The following ENOX2 variants were observed in gnomAD, a reference collection of about 807,000 sequenced individuals.
ENOX2 encodes APK1 antigen.
In ENOX2, 36 loss-of-function variants were observed where a neutral mutation model predicts 45.0. The observed-to-expected ratio is 0.80, with a 90% confidence interval of 0.61 to 1.06. ENOX2 has a LOEUF of 1.06. Ranked by LOEUF, ENOX2 falls within the 50% of genes least tolerant of loss-of-function variation. ENOX2 has a pLI of 0.00. For synonymous variants in ENOX2, 174 were observed against 152.3 expected (o/e 1.14, Z -1.05); for missense variants, 423 against 462.5 (o/e 0.91, Z 0.78).
chrX:130,709,637 CAAAAA>C (rs60183563), intron 3 of ENOX2, among the ~76,000 whole-genome samples: 1 of 30,141 alleles, frequency 3.3e-5, no homozygotes, highest in Admixed American at 4.1e-4. Flanking sequence ...GACTCTGTCT[CAAAAA>C]AAAAAAAAAA....
chrX:130,811,265 T>C (rs1368617309), intron 2 of ENOX2, among the ~76,000 whole-genome samples: 2 of 111,817 alleles, frequency 1.8e-5, no homozygotes, highest in East Asian at 5.6e-4. Flanking sequence ...CAGACTCAGG[T>C]GCAAGGCCCA....
At position 130,631,452 on chromosome X, in the gene ENOX2, G is replaced by T. The variant is rs749729002; in HGVS notation, c.1528+16C>A. The T allele has an allele frequency of 2.3e-5, 22 of 965,407 alleles. No individual in the cohort carries two copies. The highest frequency in any genetic ancestry group is 5.3e-4 in the Middle Eastern group (2 of 3,786). The allele number at this position is 965,407 out of a possible 1,213,427, so 79.6% of individuals were successfully genotyped here. A position where few individuals can be genotyped will look rare whatever the true frequency, so the allele number is the denominator to read the frequency against. ...CCCAGGCATTGTACGTGGCATGTGT[G>T]CATTAGCTTCCTTACCCACTAGCAG... On this transcript the variant is annotated intron_variant, in intron 13 of 14. Transcript: ENST00000394363.
intron 2 of ENOX2, among the ~76,000 whole-genome samples, chrX:130,789,934 C>T (rs2077018101): frequency 8.9e-6 from 1 of 112,452 alleles, no homozygotes; most frequent in Non-Finnish European, 1.9e-5. Flanking sequence ...AACCATTCCA[C>T]CTGCTACTTC....
intron 10 of ENOX2, among the ~76,000 whole-genome samples, chrX:130,653,213 T>C (rs757337060): frequency 8.9e-6 from 1 of 112,099 alleles, no homozygotes; most frequent in South Asian, 3.7e-4. Flanking sequence ...TTGTCTCAGT[T>C]CCTCTTGCCT....
chrX:130,645,791 T>A, intron 10 of ENOX2: 1 of 814,529 alleles, frequency 1.2e-6, no homozygotes, highest in Non-Finnish European at 1.8e-6. Flanking sequence ...TCCTGGTCTT[T>A]GGGCTGTCGC....
intron 8 of ENOX2, 86 bp from the exon 9 acceptor site, chrX:130,665,835 G>A (rs774771749): frequency 1.4e-4 from 80 of 572,815 alleles, no homozygotes; most frequent in Non-Finnish European, 1.6e-4. Flanking sequence ...AAATAAAAGA[G>A]AAGCATCAGG....
At position 130,878,465 on chromosome X, in the gene ENOX2, T is replaced by C. The variant is rs771824138; in HGVS notation, c.-183+23219A>G. 5.4e-5 allele frequency among the ~76,000 whole-genome samples: 6 copies of C among 111,618 alleles called. No homozygotes were observed. In the South Asian group the frequency reaches 2.3e-3, roughly 43 times the overall value. ...CTCATCCCTCCAGTGGTCATATTTC[T>C]GCCTGTGCTTATTCCTTTTTCCGTG... On this transcript the variant is annotated intron_variant, in intron 2 of 14. Coordinates refer to ENST00000394363, the MANE Select transcript of ENOX2 (RefSeq NM_006375.4).
chrX:130,891,429 G>A (rs1379685739), intron 2 of ENOX2, among the ~76,000 whole-genome samples: 1 of 98,933 alleles, frequency 1.0e-5, no homozygotes, highest in Admixed American at 1.2e-4. Context: ...CCTATTACAT[G>A]TCAGACATGG....
At chrX:130,688,583 C>A (rs1043305747) in intron 5 of ENOX2, among the ~76,000 whole-genome samples, 1 of 112,183 alleles carries the variant, frequency 8.9e-6, no homozygotes, top group African/African-American at 3.2e-5. Flanking sequence ...TGGTGTTGAG[C>A]AATCTGTATG....
At chrX:130,695,554 C>T (rs1008631581) in intron 4 of ENOX2, among the ~76,000 whole-genome samples, 1 of 111,141 alleles carries the variant, frequency 9.0e-6, no homozygotes, top group Non-Finnish European at 1.9e-5. Flanking sequence ...CCCCTGAGCC[C>T]CAGGAGGTAG....
At position 130,703,170 on chromosome X, in the gene ENOX2, T is replaced by G. The variant is rs183223559; in HGVS notation, c.47A>C (p.Asn16Thr). ...TCCCAGCGGTGCCATTCCAAGATTA[T>G]TCATTGCTGTGGCCCATGCAGTTGG... Reference protein sequence around the residue: ...SDPTAWATAMNNLGMAPLGIA... With the variant: ...SDPTAWATAMTNLGMAPLGIA... The change falls in exon 4 of 15, where the codon AAT (asparagine) becomes ACT (threonine). Residue 16 changes from asparagine (N) to threonine (T), a missense_variant. Asn to Thr is a moderately conservative substitution (Grantham distance 65). Around this residue, in one of 5 missense-constraint regions of ENOX2, gnomAD observed 261 missense variants for 306.8 expected, o/e 0.85. Coordinates refer to ENST00000394363, the MANE Select transcript of ENOX2 (RefSeq NM_006375.4). The G allele has an allele frequency of 8.3e-7, 1 of 1,207,395 alleles. No individual in the cohort carries two copies. Among genetic ancestry groups the G allele is most frequent in the Admixed American group, 2.2e-5 (1 of 45,729 alleles).
At chrX:130,774,037 T>C (rs1398822042) in intron 3 of ENOX2, among the ~76,000 whole-genome samples, 1 of 112,093 alleles carries the variant, frequency 8.9e-6, no homozygotes, top group Non-Finnish European at 1.9e-5. Flanking sequence ...TGGTCTCTTC[T>C]TTCTGTGTTG....
In ENOX2 at chrX:130,757,818, C is replaced by T. The variant is rs750292887; in HGVS notation, c.-39+25729G>A. ...GCACAATCACAGCTCACTGCAGCCT[C>T]GACCTCCCAGGCTTAAGCAGTCTTC... is the stretch of plus-strand genomic sequence containing the variant. On this transcript the variant is annotated intron_variant, in intron 3 of 14. Coordinates refer to ENST00000394363, the MANE Select transcript of ENOX2 (RefSeq NM_006375.4). Among the ~76,000 whole-genome samples the T allele has an allele frequency of 8.2e-5, 9 of 110,002 alleles. No individual in the cohort carries two copies. In the South Asian group the frequency reaches 2.0e-3, roughly 24 times the overall value.
intron 10 of ENOX2, among the ~76,000 whole-genome samples, chrX:130,638,431 AACAC>A (rs34648095): frequency 0.025 from 2,361 of 92,723 alleles, 17 homozygotes; most frequent in Middle Eastern, 0.038. Context: ...AACAATTTGA[AACAC>A]ACACACACAC....
chrX:130,831,937 T>C (rs964267078), intron 2 of ENOX2, among the ~76,000 whole-genome samples: 1 of 111,269 alleles, frequency 9.0e-6, no homozygotes, highest in Admixed American at 9.6e-5. Context: ...TGCTATTTAA[T>C]AAGGATACTC....
At chrX:130,683,396 A>C (rs966961189) in intron 5 of ENOX2, among the ~76,000 whole-genome samples, 2 of 112,239 alleles carry the variant, frequency 1.8e-5, no homozygotes, top group African/African-American at 6.5e-5. Flanking sequence ...GATTGGAAAA[A>C]TTAGAAGGCT....
At chrX:130,853,397 G>A (rs1402021392) in intron 2 of ENOX2, among the ~76,000 whole-genome samples, 6 of 100,884 alleles carry the variant, frequency 5.9e-5, no homozygotes, top group African/African-American at 2.2e-4. Context: ...CCGGGAGGCA[G>A]AGGTTGCAGT....
At chrX:130,766,653 T>C (rs1262305142) in intron 3 of ENOX2, among the ~76,000 whole-genome samples, 2 of 111,711 alleles carry the variant, frequency 1.8e-5, no homozygotes, top group African/African-American at 3.2e-5. Context: ...TTTTTCTTCA[T>C]ATGGATAACC....
chrX:130,736,993 A>G lies in ENOX2; in HGVS notation c.-38-33739T>C, dbSNP rs56251909. On this transcript the variant is annotated intron_variant, in intron 3 of 14. Coordinates refer to ENST00000394363, the MANE Select transcript of ENOX2 (RefSeq NM_006375.4). Reference sequence around the variant, plus strand: ...CAGAAGGGTTGAAGAATTTACAACCAAACTACTGAGTGACCTTAGTTAGAA... The same window carrying G: ...CAGAAGGGTTGAAGAATTTACAACCGAACTACTGAGTGACCTTAGTTAGAA... Among the ~76,000 whole-genome samples, 444 of 112,393 alleles carry G rather than the reference A, an allele frequency of 4.0e-3. 3 individuals carry two copies. The highest frequency in any genetic ancestry group is 0.014 in the African/African-American group (428 of 30,963).
Sources: allele counts gnomAD v4.1 joint callset (sites outside exome capture counted in the v4.1 genomes callset), GRCh38; gene constraint gnomAD v4.1.1; regional missense constraint gnomAD v4.1.1; transcripts MANE v1.5; gene names NCBI Gene and HGNC (gene_info 2026-07-23, HGNC 2026-07-21).